The following RBFOX1 variants were observed in gnomAD, a reference collection of about 807,000 sequenced individuals.
The protein encoded by RBFOX1 is RNA binding protein fox-1 homolog 1.
RBFOX1 carries 8 observed loss-of-function variants against 57.7 expected under a neutral mutation model. The ratio of observed to expected loss-of-function variants is 0.14; its 90% CI spans 0.08 to 0.25. The LOEUF (loss-of-function observed/expected upper bound fraction) is 0.25, where lower values mean the gene tolerates loss of function less well. Among genes scored for constraint, RBFOX1 ranks in the 10% least tolerant of loss-of-function variants. RBFOX1 has a pLI of 1.00. For synonymous variants in RBFOX1, 326 were observed against 222.4 expected, an observed-to-expected ratio of 1.47 and a Z score of -4.15; for missense variants, 611 against 548.5, an observed-to-expected ratio of 1.11 and a Z score of -1.14.
At chr16:7,229,382 C>G (rs1475120081) in intron 4 of RBFOX1, among the ~76,000 whole-genome samples, 1 of 152,084 alleles carries the variant, frequency 6.6e-6, no homozygotes, top group Non-Finnish European at 1.5e-5. Flanking sequence ...AAGTTTTGGT[C>G]CTTGCCCTAT....
At chr16:6,808,067 A>G (rs1015121807) in intron 3 of RBFOX1, among the ~76,000 whole-genome samples, 2 of 150,430 alleles carry the variant, frequency 1.3e-5, no homozygotes, top group Admixed American at 1.3e-4. Context: ...CAATAGAACT[A>G]TATATATATA....
intron 3 of RBFOX1, among the ~76,000 whole-genome samples, chr16:6,898,353 C>T (rs1043320024): frequency 1.3e-5 from 2 of 152,078 alleles, no homozygotes; most frequent in African/African-American, 4.8e-5. Context: ...GGAGAGCAGT[C>T]AGAGGTGAAG....
chr16:7,498,432 A>G (rs2069434399), intron 4 of RBFOX1, among the ~76,000 whole-genome samples: 1 of 140,326 alleles, frequency 7.1e-6, no homozygotes, highest in South Asian at 2.4e-4. Flanking sequence ...ACAAATATGA[A>G]TCACATATGT....
chr16:7,557,643 GAAAAAGAAAAAAA>G (rs1360064952), intron 5 of RBFOX1, among the ~76,000 whole-genome samples: 10 of 73,370 alleles, frequency 1.4e-4, no homozygotes, highest in Non-Finnish European at 3.1e-4. Flanking sequence ...AAAAAAAAAA[GAAAAAGAAAAAAA>G]AAAAGCATTT....
At chr16:6,696,001 T>A (rs2060986415) in intron 3 of RBFOX1, among the ~76,000 whole-genome samples, 1 of 152,196 alleles carries the variant, frequency 6.6e-6, no homozygotes, top group Non-Finnish European at 1.5e-5. Flanking sequence ...ACTGATCTGA[T>A]TTCTACAGCG....
At chr16:7,003,943 T>G (rs1381371159) in intron 3 of RBFOX1, 3 of 143,910 alleles carry the variant, frequency 2.1e-5, no homozygotes, top group Non-Finnish European at 4.5e-5. Context: ...ATTTATCTGC[T>G]TTCTTTTAAA....
chr16:5,291,083 G>A (rs997044750), intron 1 of RBFOX1, among the ~76,000 whole-genome samples: 1 of 152,202 alleles, frequency 6.6e-6, no homozygotes, highest in Non-Finnish European at 1.5e-5. Flanking sequence ...TGGAGAAAGA[G>A]AGGGGCTAGG....
intron 3 of RBFOX1, among the ~76,000 whole-genome samples, chr16:5,674,424 C>T (rs772210369): frequency 2.6e-5 from 4 of 152,124 alleles, no homozygotes; most frequent in African/African-American, 7.2e-5. Context: ...GTAACATGCC[C>T]GGGCGCAGGT....
chr16:7,507,565 C>CTTTTTTTT (rs3030308), intron 4 of RBFOX1, among the ~76,000 whole-genome samples: 5 of 132,550 alleles, frequency 3.8e-5, no homozygotes, highest in African/African-American at 8.6e-5. Context: ...TTCTTTCTTT[C>CTTTTTTTT]TTTTTTTTTT....
intron 14 of RBFOX1, among the ~76,000 whole-genome samples, chr16:7,706,229 G>C (rs2082393719): frequency 6.6e-6 from 1 of 152,140 alleles, no homozygotes; most frequent in Admixed American, 6.5e-5. Flanking sequence ...CTTTCAGTTT[G>C]AGCTGACATG....
chr16:7,089,647 A>G (rs575576647), intron 4 of RBFOX1, among the ~76,000 whole-genome samples: 4 of 152,314 alleles, frequency 2.6e-5, no homozygotes, highest in African/African-American at 7.2e-5. Flanking sequence ...ACATATGTAC[A>G]TATTTGCAAC....
intron 4 of RBFOX1, among the ~76,000 whole-genome samples, chr16:5,982,651 G>T (rs780346722): frequency 1.3e-5 from 2 of 152,106 alleles, no homozygotes; most frequent in African/African-American, 2.4e-5. Context: ...CTTCAAGTGG[G>T]CTCCTGCTGA....
chr16:5,470,941 T>C (rs1567134767), intron 2 of RBFOX1, among the ~76,000 whole-genome samples: 1 of 152,154 alleles, frequency 6.6e-6, no homozygotes, highest in Non-Finnish European at 1.5e-5. Context: ...AACTTCCGCA[T>C]CCTGGGTTCA....
intron 3 of RBFOX1, among the ~76,000 whole-genome samples, chr16:6,801,105 T>A (rs2085329582): frequency 1.3e-5 from 2 of 151,558 alleles, no homozygotes. Flanking sequence ...TCAGTAGATC[T>A]GGGGATTGAC....
chr16:7,445,692 C>A (rs1326186233), intron 4 of RBFOX1, among the ~76,000 whole-genome samples: 1 of 152,142 alleles, frequency 6.6e-6, no homozygotes. Flanking sequence ...GTTTTTGTTG[C>A]TGTTACTGTT....
chr16:7,196,096 C>A (rs1392668698), intron 4 of RBFOX1, among the ~76,000 whole-genome samples: 1 of 151,834 alleles, frequency 6.6e-6, no homozygotes, highest in East Asian at 1.9e-4. Context: ...TTATTGTTTG[C>A]TCTTTTCTCT....
chr16:5,845,001 C>G (rs193272584), intron 3 of RBFOX1, among the ~76,000 whole-genome samples: 11 of 151,594 alleles, frequency 7.3e-5, no homozygotes, highest in East Asian at 1.9e-4. Context: ...TAGCCCAGCA[C>G]TTGGTTTGTA....
intron 1 of RBFOX1, among the ~76,000 whole-genome samples, chr16:6,291,978 C>G (rs67023896): frequency 0.14 from 20,788 of 151,504 alleles, 1,729 homozygotes; most frequent in Non-Finnish European, 0.17. Flanking sequence ...TGTGTACATA[C>G]TTGTGTGTGT....
chr16:7,547,619 G>A (rs1659536559), intron 5 of RBFOX1, among the ~76,000 whole-genome samples: 1 of 152,178 alleles, frequency 6.6e-6, no homozygotes, highest in Admixed American at 6.5e-5. Context: ...TCAGGATTGA[G>A]GCAGGCATGA....
Sources: gnomAD v4.1 joint callset for allele counts (sites outside exome capture counted in the v4.1 genomes callset) on GRCh38, gnomAD v4.1.1 for gene constraint, MANE v1.5 for transcripts, NCBI Gene and HGNC (gene_info 2026-07-23, HGNC 2026-07-21) for gene names.